The following TWSG1 variants were observed in gnomAD, a reference collection of about 807,000 sequenced individuals.
TWSG1 encodes the protein twisted gastrulation BMP signaling modulator 1.
TWSG1 carries 15 observed loss-of-function variants against 23.0 expected under a neutral mutation model. The ratio of observed to expected loss-of-function variants is 0.65; its 90% CI spans 0.44 to 1.00. The LOEUF (loss-of-function observed/expected upper bound fraction) is 1.00. Among genes scored for constraint, TWSG1 ranks in the 50% least tolerant of loss-of-function variants. The pLI is 0.00. For synonymous variants in TWSG1, 86 were observed against 92.8 expected (o/e 0.93, Z 0.42); for missense variants, 242 against 278.7 (o/e 0.87, Z 0.94).
intron 3 of TWSG1, among the ~76,000 whole-genome samples, chr18:9,362,405 G>A (rs1014582452): frequency 2.2e-4 from 34 of 151,960 alleles, no homozygotes; most frequent in African/African-American, 6.3e-4. Context: ...ACAGGGTTTC[G>A]CCATGTTGCC....
chr18:9,353,812 T>A (rs183106730), intron 2 of TWSG1, among the ~76,000 whole-genome samples: 1 of 152,162 alleles, frequency 6.6e-6, no homozygotes, highest in Non-Finnish European at 1.5e-5. Context: ...ACTTGCAGAC[T>A]AGGGAAGCAG....
rs982325059 is a variant in TWSG1, at chr18:9,368,581, G to A, written c.223+8510G>A. Among the ~76,000 whole-genome samples the A allele has an allele frequency of 5.9e-5, 9 of 152,280 alleles. No homozygotes were observed. In the South Asian group the frequency reaches 1.7e-3, roughly 28 times the overall value. On this transcript the variant is annotated intron_variant, in intron 3 of 4. Transcript: ENST00000262120. ...TAATTCCAGCACTTTGGGAGGCTGA[G>A]GCAGGTAGATCATTTGAGGTCAGGA...
In TWSG1 at chr18:9,396,434, A is replaced by C; in HGVS notation, c.378A>C (p.Glu126Asp). The C allele has an allele frequency of 6.2e-7, 1 of 1,614,210 alleles. No homozygotes were observed. Among genetic ancestry groups the C allele is most frequent in the Non-Finnish European group, 8.5e-7 (1 of 1,180,046 alleles). ...WNIVSFPVAEELSHHENLVSF... is the reference protein window; with the variant it reads ...WNIVSFPVAEDLSHHENLVSF... ...TCGTTTCTTTCCCTGTTGCAGAAGA[A>C]CTTTCACATCATGAGAATCTGGTTT... is the stretch of plus-strand genomic sequence containing the variant. The change falls in exon 4 of 5, where the codon GAA becomes GAC. Residue 126 changes from glutamate to aspartate, a missense_variant. Transcript: ENST00000262120.
At chr18:9,377,236 G>T (rs1289186888) in intron 3 of TWSG1, among the ~76,000 whole-genome samples, 5 of 151,336 alleles carry the variant, frequency 3.3e-5, no homozygotes, top group African/African-American at 1.2e-4. Context: ...TTTTTTTTGG[G>T]GGGACAGAGT....
intron 3 of TWSG1, among the ~76,000 whole-genome samples, chr18:9,375,623 A>G (rs1307146286): frequency 6.6e-6 from 1 of 152,254 alleles, no homozygotes; most frequent in Non-Finnish European, 1.5e-5. Flanking sequence ...CCTGAAATGA[A>G]TAAGCAATTA....
At chr18:9,360,167 A>G (rs147373157) in intron 3 of TWSG1, 96 bp downstream of exon 3, 3 of 913,654 alleles carry the variant, frequency 3.3e-6, no homozygotes, top group Non-Finnish European at 3.5e-6. Context: ...TTATGTGCAT[A>G]AACAAGTATG....
rs1054307044 is a variant in TWSG1, at chr18:9,387,089, A to G, written c.224-9191A>G. Among the ~76,000 whole-genome samples the G allele has an allele frequency of 2.0e-5, 3 of 152,378 alleles. No homozygotes were observed. The East Asian group carries it at 5.8e-4, about 29-fold the overall frequency. ...TTTAACCAGGAGTTCAGTTAAGGAT[A>G]GCTGCAGAATGATAAGCACACAGGA... On this transcript the variant is annotated intron_variant, in intron 3 of 4. Transcript: ENST00000262120.
At chr18:9,383,672 G>GGGAA (rs1430293705) in intron 3 of TWSG1, among the ~76,000 whole-genome samples, 3 of 152,172 alleles carry the variant, frequency 2.0e-5, no homozygotes, top group African/African-American at 7.2e-5. Context: ...ATATTTTGGA[G>GGGAA]GGAAACTGTC....
At chr18:9,356,971 T>TAAAAA (rs34315660) in intron 2 of TWSG1, among the ~76,000 whole-genome samples, 1 of 122,338 alleles carries the variant, frequency 8.2e-6, no homozygotes, top group Non-Finnish European at 1.7e-5. Context: ...TTTATAAATC[T>TAAAAA]AAAAAAAAAA....
intron 3 of TWSG1, among the ~76,000 whole-genome samples, chr18:9,379,210 GAC>G (rs755100795): frequency 5.3e-5 from 8 of 152,102 alleles, no homozygotes; most frequent in Non-Finnish European, 5.9e-5. Flanking sequence ...CTACCTTAAA[GAC>G]ACATATGTTC....
intron 2 of TWSG1, among the ~76,000 whole-genome samples, chr18:9,351,098 C>T (rs1056441545): frequency 3.4e-4 from 51 of 151,960 alleles, no homozygotes; most frequent in Admixed American, 1.4e-3. Context: ...ATTATAAATA[C>T]TTAGTTTCCT....
intron 2 of TWSG1, among the ~76,000 whole-genome samples, chr18:9,352,216 A>G (rs2040505346): frequency 6.6e-6 from 1 of 152,130 alleles, no homozygotes; most frequent in African/African-American, 2.4e-5. Flanking sequence ...TCTTTCATTC[A>G]GTATAATGCT....
chr18:9,382,849 G>T (rs7359718), intron 3 of TWSG1, among the ~76,000 whole-genome samples: 147,895 of 149,842 alleles, frequency 0.99, 73,031 homozygotes, highest in Middle Eastern at 1. Context: ...GTTGGAAAAA[G>T]AATAAATTAA....
At chr18:9,382,059 G>GT (rs2040658914) in intron 3 of TWSG1, among the ~76,000 whole-genome samples, 2 of 149,898 alleles carry the variant, frequency 1.3e-5, no homozygotes, top group South Asian at 4.2e-4. Context: ...ACATCAAAAG[G>GT]TATCTTTCAA....
chr18:9,345,777 T>G (rs1224874629), intron 2 of TWSG1, among the ~76,000 whole-genome samples: 1 of 152,168 alleles, frequency 6.6e-6, no homozygotes, highest in East Asian at 1.9e-4. Flanking sequence ...ACTTGTCAAT[T>G]TCTGTAATAA....
chr18:9,379,554 T>G (rs1304571604), intron 3 of TWSG1, among the ~76,000 whole-genome samples: 2 of 152,122 alleles, frequency 1.3e-5, no homozygotes, highest in Non-Finnish European at 2.9e-5. Context: ...GAAAAAAAAC[T>G]ACTGGGTACT....
At chr18:9,364,623 G>A (rs1393849792) in intron 3 of TWSG1, among the ~76,000 whole-genome samples, 5 of 151,490 alleles carry the variant, frequency 3.3e-5, no homozygotes, top group East Asian at 2.0e-4. Flanking sequence ...ACGAAATCCC[G>A]TCACTACTAA....
intron 3 of TWSG1, among the ~76,000 whole-genome samples, chr18:9,364,668 C>T (rs1414320952): frequency 1.3e-5 from 2 of 152,020 alleles, no homozygotes; most frequent in African/African-American, 2.4e-5. Flanking sequence ...GTGGTAGGCA[C>T]CTGTAATCCC....
At position 9,396,128 on chromosome 18, in the gene TWSG1, A is replaced by G. The variant is rs537359817; in HGVS notation, c.224-152A>G. The G allele has an allele frequency of 5.4e-5, 37 of 679,598 alleles. No homozygotes were observed. In the African/African-American group the frequency reaches 6.9e-4, roughly 13 times the overall value. 42.1% of individuals were successfully genotyped at this position (679,598 alleles called of 1,614,324 possible). ...GAAGCTACTGGGGTAGAAGAATATC[A>G]TCATTTAGGCTCACCCAGCAAAAAA... On this transcript the variant is annotated intron_variant, in intron 3 of 4. Transcript: ENST00000262120.
Sources: allele counts gnomAD v4.1 joint callset (sites outside exome capture counted in the v4.1 genomes callset), GRCh38; gene constraint gnomAD v4.1.1; transcripts MANE v1.5; gene names NCBI Gene and HGNC (gene_info 2026-07-23, HGNC 2026-07-21).